Variants in RALGPS1 observed in about 807,000 individuals in gnomAD.
RALGPS1 encodes the protein ras-specific guanine nucleotide-releasing factor RalGPS1.
In RALGPS1, 19 loss-of-function variants were observed where a neutral mutation model predicts 78.8. The observed-to-expected ratio is 0.24, with a 90% CI of 0.17 to 0.35. The LOEUF is 0.35. Ranked by LOEUF, RALGPS1 falls within the 10% of genes least tolerant of loss-of-function variation. RALGPS1 has a pLI of 1.00. For synonymous variants in RALGPS1, 228 were observed against 256.3 expected, an observed-to-expected ratio of 0.89 and a Z score of 1.06; for missense variants, 454 against 688.3, an observed-to-expected ratio of 0.66 and a Z score of 3.81.
chr9:127,168,110 C>A (rs2059381227), intron 9 of RALGPS1, among the ~76,000 whole-genome samples: 1 of 152,232 alleles, frequency 6.6e-6, no homozygotes. Context: ...AAATTACCTG[C>A]TGCAGAGCCT....
chr9:127,212,147 A>T lies in RALGPS1; in HGVS notation c.1264A>T (p.Ile422Phe), dbSNP rs761950604. 6.2e-7 allele frequency: 1 copy of T among 1,613,380 alleles called. No individual in the cohort carries two copies. Among genetic ancestry groups the T allele is most frequent in the Non-Finnish European group, 8.5e-7 (1 of 1,179,764 alleles). The change falls in exon 15 of 19, where the codon ATC becomes TTC. Residue 422 changes from isoleucine to phenylalanine, a missense_variant. Transcript: ENST00000259351. This position sits in a 1 kb window ranked among gnomAD's most constrained non-coding sequence, Gnocchi z 6.0. The part of the protein sequence containing the change: ...SGLESPTGPC[I>F]CSLGNSAAVP... Reference sequence around the variant, plus strand: ...TCTCCTCAGCCCCACCGGCCCGTGCATCTGTTCTCTGGGGAACTCCGCAGC... The same window carrying T: ...TCTCCTCAGCCCCACCGGCCCGTGCTTCTGTTCTCTGGGGAACTCCGCAGC...
intron 8 of RALGPS1, among the ~76,000 whole-genome samples, chr9:127,097,248 T>C (rs984199265): frequency 2.0e-5 from 3 of 152,262 alleles, no homozygotes; most frequent in Non-Finnish European, 2.9e-5. Flanking sequence ...GTGTCTGTTA[T>C]GATGTAGAAG....
At chr9:127,179,370 C>T (rs2060077534) in intron 11 of RALGPS1, among the ~76,000 whole-genome samples, 1 of 152,194 alleles carries the variant, frequency 6.6e-6, no homozygotes, top group Non-Finnish European at 1.5e-5. Context: ...GCCAGAGGGG[C>T]AGCTCCAGGG....
chr9:127,218,764 G>C lies in RALGPS1; in HGVS notation c.1669G>C (p.Glu557Gln). 1 of 1,614,088 alleles carries C rather than the reference G, an allele frequency of 6.2e-7. No homozygotes were observed. Among genetic ancestry groups the C allele is most frequent in the Non-Finnish European group, 8.5e-7 (1 of 1,179,908 alleles). Reference protein sequence around the residue: ...PQVPANLMSFE With the variant: ...PQVPANLMSFQ ...GGTACCTGCAAACCTTATGTCATTT[G>C]AGTAAGTCTCTGCAGGACGTGGCAT... Residue 557 changes from glutamate to glutamine, a missense_variant, in exon 19 of 19, where the codon GAG (glutamate) becomes CAG (glutamine). Coordinates refer to ENST00000259351, the MANE Select transcript of RALGPS1 (RefSeq NM_014636.3). The surrounding 1 kb of genome is among the most constrained non-coding windows in gnomAD (Gnocchi z 4.4).
At chr9:126,959,292 C>T (rs2038661833) in intron 1 of RALGPS1, among the ~76,000 whole-genome samples, 1 of 152,140 alleles carries the variant, frequency 6.6e-6, no homozygotes, top group Non-Finnish European at 1.5e-5. Flanking sequence ...AAACTCCTGA[C>T]CTCAGGTGGT....
At chr9:126,982,850 T>G (rs2041394960) in intron 4 of RALGPS1, among the ~76,000 whole-genome samples, 1 of 61,918 alleles carries the variant, frequency 1.6e-5, no homozygotes, top group Non-Finnish European at 5.5e-5. Flanking sequence ...CCTTCTTTCT[T>G]CCTCCTCCTT....
At chr9:127,070,200 C>T (rs766327855) in intron 8 of RALGPS1, among the ~76,000 whole-genome samples, 6 of 152,170 alleles carry the variant, frequency 3.9e-5, no homozygotes, top group Non-Finnish European at 8.8e-5. Flanking sequence ...GGTTCGCGCT[C>T]CTATGAGAAT....
At chr9:127,068,993 G>A (rs1345858591) in intron 7 of RALGPS1, among the ~76,000 whole-genome samples, 2 of 152,144 alleles carry the variant, frequency 1.3e-5, no homozygotes, top group Non-Finnish European at 2.9e-5. Context: ...CTTCTGCCTC[G>A]TCCCTGTTTT....
At chr9:127,008,566 A>G (rs916953224) in intron 4 of RALGPS1, among the ~76,000 whole-genome samples, 1 of 152,194 alleles carries the variant, frequency 6.6e-6, no homozygotes, top group African/African-American at 2.4e-5. Context: ...CTAGTTGCCT[A>G]GAATCCTCCA....
intron 8 of RALGPS1, among the ~76,000 whole-genome samples, chr9:127,140,843 G>A (rs113767808): frequency 1.3e-5 from 2 of 152,348 alleles, no homozygotes; most frequent in African/African-American, 4.8e-5. Flanking sequence ...GAACATGGAG[G>A]TGATGGACAG....
Position 127,015,623 on chromosome 9 carries a change from C to T in RALGPS1, c.217-18808C>T, listed in dbSNP as rs112267143. ...TGGGGCTACACGGTTTGGGTCTCAG[C>T]GTCCCCAAGATGGTCCTGGGTGTAA... On this transcript the variant is annotated intron_variant, in intron 4 of 18. Transcript: ENST00000259351. Among the ~76,000 whole-genome samples, 557 of 152,232 alleles carry T rather than the reference C, an allele frequency of 3.7e-3. 1 individual carries two copies. Among genetic ancestry groups the T allele is most frequent in the Non-Finnish European group, 6.3e-3 (428 of 68,002 alleles).
At position 127,220,063 on chromosome 9, in the gene RALGPS1, T is replaced by A. The variant is rs962300786; in HGVS notation, c.*1294T>A. The A allele has an allele frequency of 1.2e-4, 18 of 152,682 alleles. No individual in the cohort carries two copies. The highest frequency in any genetic ancestry group is 1.0e-3 in the Admixed American group (16 of 15,288). 9.5% of individuals were successfully genotyped at this position (152,682 alleles called of 1,614,324 possible). A position where few individuals can be genotyped will look rare whatever the true frequency, so the allele number is the denominator to read the frequency against. On this transcript the variant is annotated 3_prime_UTR_variant, in exon 19 of 19. Transcript: ENST00000259351. Reference sequence around the variant, plus strand: ...GTGTCACATTTTAAAGTGACTTTTATTTTGCACAAATAATTTTTATTCAGA... The same window carrying A: ...GTGTCACATTTTAAAGTGACTTTTAATTTGCACAAATAATTTTTATTCAGA...
intron 9 of RALGPS1, among the ~76,000 whole-genome samples, chr9:127,168,447 C>G (rs1013583002): frequency 2.0e-5 from 3 of 152,194 alleles, no homozygotes; most frequent in African/African-American, 7.2e-5. Context: ...AGTGTGGTGA[C>G]TGAGGCCCGG....
At chr9:127,116,552 T>A (rs993514249) in intron 8 of RALGPS1, among the ~76,000 whole-genome samples, 20 of 152,176 alleles carry the variant, frequency 1.3e-4, no homozygotes, top group Non-Finnish European at 2.1e-4. Flanking sequence ...TTTCCGGCAG[T>A]GCCTAGTGTG....
intron 1 of RALGPS1, among the ~76,000 whole-genome samples, chr9:126,928,763 G>A (rs2035534160): frequency 6.6e-6 from 1 of 151,942 alleles, no homozygotes; most frequent in African/African-American, 2.4e-5. Context: ...CACCACACCT[G>A]CCTGATTTTT....
intron 8 of RALGPS1, among the ~76,000 whole-genome samples, chr9:127,141,663 C>CA (rs1247373713): frequency 7.0e-6 from 1 of 142,022 alleles, no homozygotes; most frequent in East Asian, 2.2e-4. Context: ...CTGTCCTTAT[C>CA]ATTTCCTGGA....
intron 8 of RALGPS1, among the ~76,000 whole-genome samples, chr9:127,082,739 C>T (rs2051300174): frequency 6.6e-6 from 1 of 152,110 alleles, no homozygotes; most frequent in Non-Finnish European, 1.5e-5. Context: ...ATTATAGAAT[C>T]CACCTCGTAG....
intron 1 of RALGPS1, among the ~76,000 whole-genome samples, chr9:126,918,697 A>G (rs1190205501): frequency 1.4e-5 from 2 of 145,448 alleles, no homozygotes; most frequent in Non-Finnish European, 3.0e-5. Flanking sequence ...TTTGAGACAG[A>G]GTTTCACTCT....
At chr9:127,040,633 G>T (rs1439542273) in intron 5 of RALGPS1, among the ~76,000 whole-genome samples, 1 of 152,132 alleles carries the variant, frequency 6.6e-6, no homozygotes, top group Non-Finnish European at 1.5e-5. Flanking sequence ...AGAAAGAGGT[G>T]GCTGAGGTGG....
Sources: allele counts gnomAD v4.1 joint callset (sites outside exome capture counted in the v4.1 genomes callset), GRCh38; gene constraint gnomAD v4.1.1; non-coding constraint Gnocchi (gnomAD v3.1); transcripts MANE v1.5; gene names NCBI Gene and HGNC (gene_info 2026-07-23, HGNC 2026-07-21).